Variants in NUMB observed in about 807,000 individuals in gnomAD.
NUMB encodes NUMB endocytic adaptor protein.
NUMB carries 29 observed loss-of-function variants against 59.7 expected under a neutral mutation model. That is an observed-to-expected ratio of 0.49 (90% CI 0.36 to 0.66). The LOEUF (loss-of-function observed/expected upper bound fraction) is 0.66, where lower values mean the gene tolerates loss of function less well. Among genes scored for constraint, NUMB ranks in the 30% least tolerant of loss-of-function variants. The pLI, the probability that NUMB is intolerant of heterozygous loss-of-function variation, is 0.00. For missense variants in NUMB, 723 were observed against 822.0 expected, an observed-to-expected ratio of 0.88 and a Z score of 1.47; for synonymous variants, 288 against 288.2, an observed-to-expected ratio of 1.00 and a Z score of 0.01.
chr14:73,375,539 G>A (rs1894908830), intron 2 of NUMB, among the ~76,000 whole-genome samples: 3 of 151,818 alleles, frequency 2.0e-5, no homozygotes, highest in Admixed American at 2.0e-4. Flanking sequence ...CCAGCCTGTA[G>A]AAAAAAAATG....
At chr14:73,287,545 T>G (rs769309337) in intron 8 of NUMB, among the ~76,000 whole-genome samples, 7 of 151,820 alleles carry the variant, frequency 4.6e-5, no homozygotes, top group Non-Finnish European at 8.8e-5. Flanking sequence ...ACCTGGCTAA[T>G]TTTTGTATTT....
chr14:73,367,346 T>TAGAGAGAGAGAC (rs1288750867), intron 2 of NUMB, among the ~76,000 whole-genome samples: 1 of 91,266 alleles, frequency 1.1e-5, no homozygotes. Flanking sequence ...TATATATATA[T>TAGAGAGAGAGAC]ATAGAGAGAG....
At chr14:73,285,877 G>C (rs1888958565) in intron 9 of NUMB, among the ~76,000 whole-genome samples, 1 of 150,464 alleles carries the variant, frequency 6.6e-6, no homozygotes, top group South Asian at 2.1e-4. Context: ...AGTCAGCGGA[G>C]ACTGCGCCAC....
At chr14:73,334,968 G>T (rs1193904381) in intron 4 of NUMB, among the ~76,000 whole-genome samples, 2 of 131,824 alleles carry the variant, frequency 1.5e-5, no homozygotes, top group Admixed American at 7.9e-5. Context: ...AAAAAAAAAG[G>T]TATTAGCATA....
At chr14:73,421,534 C>A (rs1004157557) in intron 1 of NUMB, among the ~76,000 whole-genome samples, 1 of 151,890 alleles carries the variant, frequency 6.6e-6, no homozygotes, top group Non-Finnish European at 1.5e-5. Context: ...GTATAATCAT[C>A]CTAAAATTCA....
intron 8 of NUMB, among the ~76,000 whole-genome samples, chr14:73,288,314 A>G (rs1485523969): frequency 6.6e-6 from 1 of 152,136 alleles, no homozygotes; most frequent in African/African-American, 2.4e-5. Flanking sequence ...GCACTTTGGG[A>G]GGCTGAGATG....
intron 2 of NUMB, among the ~76,000 whole-genome samples, chr14:73,394,037 C>G (rs1895991878): frequency 6.6e-6 from 1 of 151,806 alleles, no homozygotes; most frequent in Non-Finnish European, 1.5e-5. Flanking sequence ...GCGATCTTGG[C>G]TCACTGCAGC....
chr14:73,291,630 G>C (rs578214827), intron 8 of NUMB, among the ~76,000 whole-genome samples: 1 of 151,128 alleles, frequency 6.6e-6, no homozygotes, highest in African/African-American at 2.4e-5. Context: ...TGCCTACCTC[G>C]GCCTCCCAAA....
chr14:73,339,619 TG>T (rs1351709868), intron 4 of NUMB, among the ~76,000 whole-genome samples: 1 of 152,184 alleles, frequency 6.6e-6, no homozygotes, highest in Non-Finnish European at 1.5e-5. Context: ...CTCAAACTCC[TG>T]GGTTCAAGTG....
rs781436071 is a variant in NUMB, at chr14:73,277,173, T to C, written c.1361A>G (p.Gln454Arg). 1 of 1,614,004 alleles carries C rather than the reference T, an allele frequency of 6.2e-7. No individual in the cohort carries two copies. Among genetic ancestry groups the C allele is most frequent in the Non-Finnish European group, 8.5e-7 (1 of 1,180,006 alleles). ...AGGAGCAGCTGAGGCCTGGGGCTGC[T>C]GAGCCCGGACGCTCTTAGACACCTC... ...LEEVSKSVRAQQPQASAAPLQ... is the reference protein window; with the variant it reads ...LEEVSKSVRARQPQASAAPLQ... The change falls in exon 13 of 13, where the codon CAG (glutamine) becomes CGG (arginine). Residue 454 changes from glutamine to arginine, a missense_variant. By Grantham distance (43) the Gln-to-Arg change is conservative. This residue lies in a region of NUMB where 406 missense variants were observed against 385.4 expected (regional missense o/e 1.05). Coordinates refer to ENST00000555238, the MANE Select transcript of NUMB (RefSeq NM_001005743.2).
intron 6 of NUMB, among the ~76,000 whole-genome samples, chr14:73,302,180 A>G (rs898741635): frequency 6.6e-6 from 1 of 152,208 alleles, no homozygotes; most frequent in African/African-American, 2.4e-5. Flanking sequence ...CATATTTGTC[A>G]TATTTCATGG....
intron 8 of NUMB, among the ~76,000 whole-genome samples, chr14:73,289,234 C>T (rs1164052542): frequency 3.9e-5 from 6 of 152,180 alleles, no homozygotes; most frequent in African/African-American, 1.4e-4. Context: ...TTTTCATCCA[C>T]ACTGTCTACT....
At chr14:73,424,174 A>G (rs1897482787) in intron 1 of NUMB, among the ~76,000 whole-genome samples, 1 of 152,090 alleles carries the variant, frequency 6.6e-6, no homozygotes, top group South Asian at 2.1e-4. Context: ...AAATTTTTAA[A>G]TATTGGCAGT....
At chr14:73,318,989 G>C (rs1235355907) in intron 5 of NUMB, among the ~76,000 whole-genome samples, 2 of 152,104 alleles carry the variant, frequency 1.3e-5, no homozygotes, top group East Asian at 3.9e-4. Context: ...AAAAGCGCTA[G>C]AAGGCTGGGC....
At chr14:73,453,996 A>T (rs1458657212) in intron 1 of NUMB, among the ~76,000 whole-genome samples, 1 of 152,094 alleles carries the variant, frequency 6.6e-6, no homozygotes, top group African/African-American at 2.4e-5. Flanking sequence ...TTTTAATTTA[A>T]GGAGTATATT....
At chr14:73,383,007 G>A (rs139725605) in intron 2 of NUMB, among the ~76,000 whole-genome samples, 8 of 152,192 alleles carry the variant, frequency 5.3e-5, no homozygotes, top group East Asian at 3.9e-4. Context: ...TCAGCTAGGC[G>A]TGGTGGCACA....
rs1555375287 is a variant in NUMB, at chr14:73,367,348, T to TATAGAGAGAGAGAGAGAG, written c.-100-368_-100-367insCTCTCTCTCTCTCTCTAT. On this transcript the variant is annotated intron_variant, in intron 2 of 12. Coordinates refer to ENST00000555238, the MANE Select transcript of NUMB (RefSeq NM_001005743.2). ...ATATATACATATATATATATATATATAGAGAGAGAGAGAGAGAGAGAGAGA... is the reference window on the plus strand; with the variant it reads ...ATATATACATATATATATATATATATATAGAGAGAGAGAGAGAGAGAGAGAGAGAGAGAGAGAGAGAGA... 5.8e-3 allele frequency among the ~76,000 whole-genome samples: 613 copies of TATAGAGAGAGAGAGAGAG among 105,228 alleles called. 4 individuals carry two copies. The highest frequency in any genetic ancestry group is 7.3e-3 in the Non-Finnish European group (430 of 58,540). 69.0% of individuals were successfully genotyped at this position (105,228 alleles called of 152,430 possible).
chr14:73,385,436 C>A (rs1895461855), intron 2 of NUMB, among the ~76,000 whole-genome samples: 1 of 150,068 alleles, frequency 6.7e-6, no homozygotes, highest in Non-Finnish European at 1.5e-5. Context: ...GCCACTGAGC[C>A]TGGCCTAGAG....
chr14:73,287,623 C>T (rs1422757175), intron 8 of NUMB, among the ~76,000 whole-genome samples: 2 of 152,074 alleles, frequency 1.3e-5, no homozygotes, highest in Non-Finnish European at 2.9e-5. Context: ...AGTGGTCTAC[C>T]CAATTCAGCC....
Sources: gnomAD v4.1 joint callset for allele counts (sites outside exome capture counted in the v4.1 genomes callset) on GRCh38, gnomAD v4.1.1 for gene constraint, gnomAD v4.1.1 regional missense constraint, MANE v1.5 for transcripts, NCBI Gene and HGNC (gene_info 2026-07-23, HGNC 2026-07-21) for gene names.